CYP20A1: variants seen among roughly 807,000 people sequenced by gnomAD.
CYP20A1 encodes the protein cytochrome P450 20A1.
In CYP20A1, 61 loss-of-function variants were observed where a neutral mutation model predicts 61.4. The ratio of observed to expected loss-of-function variants is 0.99; its 90% CI spans 0.81 to 1.23. The LOEUF is 1.23. CYP20A1 is among the 50% of genes most tolerant of loss of function. CYP20A1 has a pLI of 0.00. For synonymous variants in CYP20A1, 193 were observed against 188.2 expected, an observed-to-expected ratio of 1.03 and a Z score of -0.21; for missense variants, 530 against 542.4, an observed-to-expected ratio of 0.98 and a Z score of 0.23.
At chr2:203,291,456 T>C (rs2068527295) in intron 10 of CYP20A1, among the ~76,000 whole-genome samples, 2 of 152,240 alleles carry the variant, frequency 1.3e-5, no homozygotes, top group Non-Finnish European at 2.9e-5. Flanking sequence ...TTATGTATAT[T>C]TTATGAATCT....
chr2:203,255,685 T>A (rs991333339), intron 4 of CYP20A1, among the ~76,000 whole-genome samples: 12 of 152,196 alleles, frequency 7.9e-5, no homozygotes, highest in Admixed American at 7.2e-4. Context: ...TCTTCAGGAC[T>A]TTTTATGATT....
At chr2:203,283,625 T>C (rs1333990160) in intron 8 of CYP20A1, among the ~76,000 whole-genome samples, 2 of 150,464 alleles carry the variant, frequency 1.3e-5, no homozygotes, top group Non-Finnish European at 3.0e-5. Context: ...CTCGGCTCAC[T>C]GCAACCTCTG....
rs776154410 is a variant in CYP20A1, at chr2:203,246,871, G to A, written c.239G>A (p.Ser80Asn). 2 of 1,614,176 alleles carry A rather than the reference G, an allele frequency of 1.2e-6. No individual in the cohort carries two copies. Among genetic ancestry groups the A allele is most frequent in the South Asian group, 1.1e-5 (1 of 91,084 alleles). Reference sequence around the variant, plus strand: ...TGGTTTGGCAGGCGCCTCGTGGTTAGTTTGGGCACTGTTGATGTACTGAAG... The same window carrying A: ...TGGTTTGGCAGGCGCCTCGTGGTTAATTTGGGCACTGTTGATGTACTGAAG... ...SFWFGRRLVV[S>N]LGTVDVLKQH... The change falls in exon 3 of 13, where the codon AGT (serine) becomes AAT (asparagine). Residue 80 changes from serine (S) to asparagine (N), a missense_variant. By Grantham distance (46) the Ser-to-Asn change is conservative. Coordinates refer to ENST00000356079, the MANE Select transcript of CYP20A1 (RefSeq NM_177538.3).
chr2:203,269,279 ATTTTTTTTTTTTT>A (rs528970568), intron 5 of CYP20A1, among the ~76,000 whole-genome samples: 38 of 125,294 alleles, frequency 3.0e-4, no homozygotes, highest in African/African-American at 9.5e-4. Flanking sequence ...CCTGTCTCCA[ATTTTTTTTTTTTT>A]TTTTTTTTTA....
intron 3 of CYP20A1, 129 bp from the exon 4 acceptor site, chr2:203,251,838 A>T: frequency 4.3e-6 from 1 of 230,246 alleles, no homozygotes; most frequent in East Asian, 6.2e-5. Context: ...AATAAAAACA[A>T]GGGAATTATG....
intron 4 of CYP20A1, among the ~76,000 whole-genome samples, chr2:203,256,569 G>C (rs529527291): frequency 3.5e-4 from 53 of 152,064 alleles, no homozygotes; most frequent in Admixed American, 2.9e-3. Context: ...ATGTTAGTCA[G>C]TTTGGTCTCA....
intron 4 of CYP20A1, among the ~76,000 whole-genome samples, chr2:203,259,409 C>T (rs1366567416): frequency 1.3e-5 from 2 of 152,052 alleles, no homozygotes; most frequent in Non-Finnish European, 2.9e-5. Flanking sequence ...TGGTGCTATC[C>T]TCACGGTAGT....
intron 4 of CYP20A1, among the ~76,000 whole-genome samples, chr2:203,255,654 A>G (rs983434671): frequency 1.3e-5 from 2 of 152,180 alleles, no homozygotes; most frequent in Non-Finnish European, 2.9e-5. Context: ...TCTTGGGACA[A>G]ACTCCAAATT....
chr2:203,281,225 G>A (rs974627442), intron 8 of CYP20A1, among the ~76,000 whole-genome samples: 1 of 152,120 alleles, frequency 6.6e-6, no homozygotes, highest in Admixed American at 6.5e-5. Flanking sequence ...AGTATTAGGG[G>A]ACCAGGCAAG....
At chr2:203,245,419 A>G (rs1485567467) in intron 1 of CYP20A1, among the ~76,000 whole-genome samples, 4 of 151,622 alleles carry the variant, frequency 2.6e-5, no homozygotes, top group Non-Finnish European at 5.9e-5. Context: ...ACTTGTATCA[A>G]GGGGGTTTGT....
At chr2:203,253,074 G>A (rs1432943265) in intron 4 of CYP20A1, among the ~76,000 whole-genome samples, 4 of 151,926 alleles carry the variant, frequency 2.6e-5, no homozygotes, top group African/African-American at 7.3e-5. Flanking sequence ...GTGTTGGTTC[G>A]GGTGTGAGTT....
In CYP20A1 at chr2:203,297,099, A is replaced by G; in HGVS notation, c.*191A>G. ...ATTGTACACATTTGACTTACTGCACAGTATATTGATCATTTTAATGGGAAA... is the reference window on the plus strand; with the variant it reads ...ATTGTACACATTTGACTTACTGCACGGTATATTGATCATTTTAATGGGAAA... On this transcript the variant is annotated 3_prime_UTR_variant, in exon 13 of 13. Coordinates refer to ENST00000356079, the MANE Select transcript of CYP20A1 (RefSeq NM_177538.3). The G allele has an allele frequency of 2.6e-6, 1 of 383,024 alleles. No individual in the cohort carries two copies. Among genetic ancestry groups the G allele is most frequent in the Non-Finnish European group, 4.6e-6 (1 of 216,792 alleles). 23.7% of individuals were successfully genotyped at this position (383,024 alleles called of 1,614,324 possible).
At chr2:203,248,801 C>A (rs2066554755) in intron 3 of CYP20A1, among the ~76,000 whole-genome samples, 1 of 152,146 alleles carries the variant, frequency 6.6e-6, no homozygotes, top group African/African-American at 2.4e-5. Context: ...CCTACAACTC[C>A]TGGGCTCAAG....
intron 6 of CYP20A1, among the ~76,000 whole-genome samples, chr2:203,273,412 T>C (rs928926180): frequency 3.3e-5 from 5 of 152,190 alleles, no homozygotes; most frequent in African/African-American, 1.2e-4. Flanking sequence ...ATTTTTGTAG[T>C]ACTGTTTCTG....
intron 5 of CYP20A1, 174 bp from the exon 6 acceptor site, chr2:203,272,496 C>G (rs566201016): frequency 2.7e-4 from 82 of 309,090 alleles, no homozygotes; most frequent in Middle Eastern, 2.0e-3. Flanking sequence ...GAGCTATGAT[C>G]GTGCCATTGC....
In CYP20A1 at chr2:203,296,843, A is replaced by G; in HGVS notation, c.1324A>G (p.Thr442Ala). 6.2e-7 allele frequency: 1 copy of G among 1,611,882 alleles called. No homozygotes were observed. Among genetic ancestry groups the G allele is most frequent in the Non-Finnish European group, 8.5e-7 (1 of 1,179,206 alleles). ...TTCTGTGGAGGGACAGGTTATTGAA[A>G]CAAAGTATGAACTGGTAACATCATC... Reference protein sequence around the residue: ...LLSVEGQVIETKYELVTSSRE... With the variant: ...LLSVEGQVIEAKYELVTSSRE... The change falls in exon 13 of 13, where the codon ACA becomes GCA. Residue 442 changes from threonine (T) to alanine (A), a missense_variant. Coordinates refer to ENST00000356079, the MANE Select transcript of CYP20A1 (RefSeq NM_177538.3).
chr2:203,262,773 C>T (rs1174388260), intron 4 of CYP20A1, among the ~76,000 whole-genome samples: 1 of 151,818 alleles, frequency 6.6e-6, no homozygotes. Context: ...ACTGCAAGCT[C>T]CGCCTCCCGG....
intron 3 of CYP20A1, among the ~76,000 whole-genome samples, chr2:203,249,501 A>G (rs2066580878): frequency 6.6e-6 from 1 of 152,212 alleles, no homozygotes; most frequent in South Asian, 2.1e-4. Context: ...GAGAAATGGA[A>G]AAGTAATTTA....
intron 4 of CYP20A1, among the ~76,000 whole-genome samples, chr2:203,265,800 C>T (rs1363108203): frequency 1.3e-5 from 2 of 152,140 alleles, no homozygotes; most frequent in African/African-American, 4.8e-5. Flanking sequence ...AAGCTATTCT[C>T]CTGCTTCAGC....
Sources: allele counts gnomAD v4.1 joint callset (sites outside exome capture counted in the v4.1 genomes callset), GRCh38; gene constraint gnomAD v4.1.1; transcripts MANE v1.5; gene names NCBI Gene and HGNC (gene_info 2026-07-23, HGNC 2026-07-21).